ZNF276: variants seen among roughly 807,000 people sequenced by gnomAD.
The protein encoded by ZNF276 is centromere protein Z.
A neutral mutation model predicts 63.9 loss-of-function variants in ZNF276; 59 were observed. The observed-to-expected ratio is 0.92, with a 90% CI of 0.75 to 1.15. The LOEUF is 1.15. ZNF276 is among the 50% of genes most tolerant of loss of function. The pLI, the probability that ZNF276 is intolerant of heterozygous loss-of-function variation, is 0.00. For synonymous variants in ZNF276, 496 were observed against 348.4 expected (o/e 1.42, Z -4.72); for missense variants, 1,084 against 843.8 (o/e 1.28, Z -3.53).
Position 89,736,142 on chromosome 16 carries a change from C to T in ZNF276, c.1475-1664C>T, listed in dbSNP as rs748865776. Reference sequence around the variant, plus strand: ...TCCTGACCTTGTGATCCACCTGCCTCGGCCTCCCGAAGTGCTGGGATTATA... The same window carrying T: ...TCCTGACCTTGTGATCCACCTGCCTTGGCCTCCCGAAGTGCTGGGATTATA... On this transcript the variant is annotated intron_variant, in intron 9 of 10. Coordinates refer to ENST00000443381, the MANE Select transcript of ZNF276 (RefSeq NM_001113525.2). Among the ~76,000 whole-genome samples, 27 of 152,292 alleles carry T rather than the reference C, an allele frequency of 1.8e-4. No individual in the cohort carries two copies. The South Asian group carries it at 2.9e-3, about 16-fold the overall frequency.
At chr16:89,724,001 C>T (rs1471322526) in intron 4 of ZNF276, among the ~76,000 whole-genome samples, 1 of 152,238 alleles carries the variant, frequency 6.6e-6, no homozygotes, top group African/African-American at 2.4e-5. Context: ...GTGCTTGGGG[C>T]TGAGGGGACT....
chr16:89,725,483 G>T (rs978143842), intron 4 of ZNF276, among the ~76,000 whole-genome samples: 1 of 150,410 alleles, frequency 6.6e-6, no homozygotes, highest in Admixed American at 6.6e-5. Context: ...GCCCAGCCAA[G>T]AACAATACTT....
Position 89,739,548 on chromosome 16 carries a change from T to C in ZNF276, c.*1302T>C. 6.4e-7 allele frequency: 1 copy of C among 1,551,228 alleles called. No homozygotes were observed. Among genetic ancestry groups the C allele is most frequent in the Non-Finnish European group, 8.7e-7 (1 of 1,147,000 alleles). The stretch of plus-strand genomic sequence containing the variant: ...ACACGGAGGAGGAGCCGCCCCAGCC[T>C]GAGGTCTGCAACACCAAGAAGTGGC... On this transcript the variant is annotated 3_prime_UTR_variant, in exon 11 of 11. Coordinates refer to ENST00000443381, the MANE Select transcript of ZNF276 (RefSeq NM_001113525.2).
At chr16:89,733,096 C>T (rs953934571) in intron 6 of ZNF276, 2 of 595,138 alleles carry the variant, frequency 3.4e-6, no homozygotes, top group East Asian at 2.9e-5. Flanking sequence ...GTGTCCTGCG[C>T]CCTTGCCCTC....
In ZNF276 at chr16:89,738,195, G is replaced by A. The variant is rs377737268; in HGVS notation, c.1794G>A (p.Pro598=). The change falls in exon 11 of 11, where the codon CCG becomes CCA. Residue 598 remains proline (P), a synonymous_variant. Coordinates refer to ENST00000443381, the MANE Select transcript of ZNF276 (RefSeq NM_001113525.2). ...AGGCGGAACCACCACCTGGGCCACC[G>A]AGCCCCTCTGTGACCACAGAGGGCC... ...PLEAEPPPGP[P]SPSVTTEGQA... is the part of the protein sequence containing the mutation. 108 of 1,611,246 alleles carry A rather than the reference G, an allele frequency of 6.7e-5. No individual in the cohort carries two copies. Among genetic ancestry groups the A allele is most frequent in the Middle Eastern group, 1.6e-4 (1 of 6,082 alleles).
chr16:89,722,419 G>A, intron 1 of ZNF276, 112 bp from the exon 2 acceptor site: 1 of 1,288,830 alleles, frequency 7.8e-7, no homozygotes, highest in Non-Finnish European at 1.1e-6. Flanking sequence ...TGCTGTGTCC[G>A]GGAGCCGCGC....
intron 6 of ZNF276, 100 bp downstream of exon 6, chr16:89,729,418 T>G (rs992132094): frequency 1.0e-5 from 11 of 1,072,252 alleles, no homozygotes; most frequent in Admixed American, 2.0e-5. Context: ...CAGTTCACTC[T>G]CTCGTGTGCG....
chr16:89,739,571 G>A lies in ZNF276; in HGVS notation c.*1325G>A. 1 of 1,550,572 alleles carries A rather than the reference G, an allele frequency of 6.4e-7. No homozygotes were observed. The highest frequency in any genetic ancestry group is 8.7e-7 in the Non-Finnish European group (1 of 1,146,584). On this transcript the variant is annotated 3_prime_UTR_variant, in exon 11 of 11. Transcript: ENST00000443381. ...CCTGAGGTCTGCAACACCAAGAAGT[G>A]GCTCAGGCAACTCTGGACATCTCTG...
chr16:89,739,549 G>A lies in ZNF276; in HGVS notation c.*1303G>A. 6.4e-7 allele frequency: 1 copy of A among 1,551,238 alleles called. No individual in the cohort carries two copies. The highest frequency in any genetic ancestry group is 8.7e-7 in the Non-Finnish European group (1 of 1,147,012). On this transcript the variant is annotated 3_prime_UTR_variant, in exon 11 of 11. Coordinates refer to ENST00000443381, the MANE Select transcript of ZNF276 (RefSeq NM_001113525.2). ...CACGGAGGAGGAGCCGCCCCAGCCTGAGGTCTGCAACACCAAGAAGTGGCT... is the reference window on the plus strand; with the variant it reads ...CACGGAGGAGGAGCCGCCCCAGCCTAAGGTCTGCAACACCAAGAAGTGGCT...
intron 5 of ZNF276, among the ~76,000 whole-genome samples, 169 bp from the exon 6 acceptor site, chr16:89,729,066 G>T (rs1318014608): frequency 1.3e-5 from 2 of 152,214 alleles, no homozygotes; most frequent in Non-Finnish European, 2.9e-5. Context: ...CTGGCCCTTT[G>T]TGTTCGGAAA....
At chr16:89,729,530 C>G (rs2061578980) in intron 6 of ZNF276, among the ~76,000 whole-genome samples, 4 of 152,192 alleles carry the variant, frequency 2.6e-5, no homozygotes, top group South Asian at 2.1e-4. Flanking sequence ...TGCTTTGGAG[C>G]TGGGACCTGG....
rs763348972 is a variant in ZNF276, at chr16:89,738,182, C to T, written c.1781C>T (p.Pro594Leu). The T allele has an allele frequency of 1.9e-6, 3 of 1,611,872 alleles. No individual in the cohort carries two copies. Among genetic ancestry groups the T allele is most frequent in the South Asian group, 2.2e-5 (2 of 90,886 alleles). The part of the protein sequence containing the change: ...DKALPLEAEP[P>L]PGPPSPSVTT... ...GCCCTGCCCCTGGAGGCGGAACCAC[C>T]ACCTGGGCCACCGAGCCCCTCTGTG... The change falls in exon 11 of 11, where the codon CCA (proline) becomes CTA (leucine). Residue 594 changes from proline (P) to leucine (L), a missense_variant. Transcript: ENST00000443381.
chr16:89,731,297 A>G (rs967401863), intron 6 of ZNF276, among the ~76,000 whole-genome samples: 1 of 152,246 alleles, frequency 6.6e-6, no homozygotes, highest in African/African-American at 2.4e-5. Context: ...TCTGTTGCCC[A>G]GACTGGAGTG....
chr16:89,735,302 GGAACCA>G (rs1344204339), intron 9 of ZNF276, among the ~76,000 whole-genome samples: 2 of 151,936 alleles, frequency 1.3e-5, no homozygotes, highest in East Asian at 3.8e-4. Flanking sequence ...GGGGGGGCCT[GGAACCA>G]GCTGAGGACA....
At position 89,732,733 on chromosome 16, in the gene ZNF276, CCT is replaced by C. The variant is rs1489074892; in HGVS notation, c.1170-568_1170-567del. 3.3e-4 allele frequency: 63 copies of C among 192,750 alleles called. 1 individual carries two copies. The highest frequency in any genetic ancestry group is 1.0e-3 in the African/African-American group (42 of 40,736). 11.9% of individuals were successfully genotyped at this position (192,750 alleles called of 1,614,324 possible). On this transcript the variant is annotated intron_variant, in intron 6 of 10. Transcript: ENST00000443381. ...GCGCCCTCGTCCTCTGCCGTTTGCC[CCT>C]GACCCTGCTGTACCATGCCCTCGCC...
At chr16:89,726,370 A>AT (rs1749225182) in intron 4 of ZNF276, among the ~76,000 whole-genome samples, 3 of 151,166 alleles carry the variant, frequency 2.0e-5, no homozygotes, top group South Asian at 4.2e-4. Flanking sequence ...CTATTTTTGT[A>AT]TTTTTTAGTA....
intron 5 of ZNF276, 118 bp from the exon 6 acceptor site, chr16:89,729,117 C>G (rs2061564212): frequency 1.2e-6 from 1 of 813,502 alleles, no homozygotes; most frequent in African/African-American, 1.7e-5. Context: ...AAGACATTTT[C>G]AGAAGAACTC....
At chr16:89,732,825 C>G (rs2061707567) in intron 6 of ZNF276, 1 of 209,302 alleles carries the variant, frequency 4.8e-6, no homozygotes, top group Non-Finnish European at 9.6e-6. Flanking sequence ...GTTCACCTGA[C>G]CCTGCTGTGT....
In ZNF276 at chr16:89,721,860, C is replaced by G. The variant is rs953871755; in HGVS notation, c.205+15C>G. 3 of 1,201,328 alleles carry G rather than the reference C, an allele frequency of 2.5e-6. No homozygotes were observed. Among genetic ancestry groups the G allele is most frequent in the Non-Finnish European group, 3.1e-6 (3 of 968,126 alleles). The allele number at this position is 1,201,328 out of a possible 1,614,324, so 74.4% of individuals were successfully genotyped here. A position where few individuals can be genotyped will look rare whatever the true frequency, so the allele number is the denominator to read the frequency against. Reference sequence around the variant, plus strand: ...GGACGAGGCAGGTGGGTCCGCGGCCCGGGCGTGGCGGGTTGGGGTCGCGGC... The same window carrying G: ...GGACGAGGCAGGTGGGTCCGCGGCCGGGGCGTGGCGGGTTGGGGTCGCGGC... On this transcript the variant is annotated intron_variant, in intron 1 of 10. Coordinates refer to ENST00000443381, the MANE Select transcript of ZNF276 (RefSeq NM_001113525.2).
Sources: allele counts gnomAD v4.1 joint callset (sites outside exome capture counted in the v4.1 genomes callset), GRCh38; gene constraint gnomAD v4.1.1; transcripts MANE v1.5; gene names NCBI Gene and HGNC (gene_info 2026-07-23, HGNC 2026-07-21).